THPO: variants seen among roughly 807,000 people sequenced by gnomAD.
THPO encodes the protein thrombopoietin, also known as MPL ligand.
Under a neutral mutation model 17.0 loss-of-function variants are expected in THPO, and 12 were observed. That is an observed-to-expected ratio of 0.71 (90% confidence interval 0.45 to 1.14). The LOEUF is 1.14. Among genes scored for constraint, THPO ranks in the 50% most tolerant of loss-of-function variants. The probability of loss-of-function intolerance (pLI) is 0.00; values close to 1 mark genes in which losing one functional copy is unlikely to be tolerated. For missense variants in THPO, 365 were observed against 427.5 expected (o/e 0.85, Z 1.29); for synonymous variants, 188 against 183.0 (o/e 1.03, Z -0.22).
At chr3:184,378,470 A>C, upstream of THPO, 1 of 906,382 alleles carries the variant, frequency 1.1e-6, no homozygotes, top group Middle Eastern at 5.7e-4. Flanking sequence ...CTTGTTTAAG[A>C]TTGGTGGGGT....
At position 184,372,868 on chromosome 3, in the gene THPO, GT is replaced by G. The variant is rs1420860268; in HGVS notation, c.706del (p.Thr236ProfsTer12). The part of the protein sequence containing the change: ...RAKIPGLLNQ[T>X]SRSLDQIPGY... ...GGGGATTTGGTCCAGGGACCTGGAG[GT>G]TTGGTTCAGCAGACCAGGAATCTTG... On this transcript the variant is annotated frameshift_variant, in exon 6 of 6. Coordinates refer to ENST00000647395, the MANE Select transcript of THPO (RefSeq NM_000460.4). LOFTEE classifies it low-confidence loss of function (END_TRUNC). 1 of 1,614,162 alleles carries G rather than the reference GT, an allele frequency of 6.2e-7. No homozygotes were observed. Among genetic ancestry groups the G allele is most frequent in the Non-Finnish European group, 8.5e-7 (1 of 1,180,030 alleles).
At position 184,376,361 on chromosome 3, in the gene THPO, A is replaced by G; in HGVS notation, c.-102T>C. 13 of 1,612,894 alleles carry G rather than the reference A, an allele frequency of 8.1e-6. No homozygotes were observed. Among genetic ancestry groups the G allele is most frequent in the Non-Finnish European group, 1.0e-5 (12 of 1,179,656 alleles). On this transcript the variant is annotated 5_prime_UTR_variant, in exon 2 of 6. Transcript: ENST00000647395. Reference sequence around the variant, plus strand: ...GGCTTAGGCTCTTGCACTTCTGGGCAGAGTAGGGTGGGGCAAAGGCGGGCC... The same window carrying G: ...GGCTTAGGCTCTTGCACTTCTGGGCGGAGTAGGGTGGGGCAAAGGCGGGCC...
upstream of THPO, chr3:184,378,442 G>C: frequency 1.0e-6 from 1 of 966,554 alleles, no homozygotes; most frequent in Non-Finnish European, 1.2e-6. Context: ...TGTGTTGCTG[G>C]GGAAGAAGCA....
intron 4 of THPO, among the ~76,000 whole-genome samples, chr3:184,375,187 G>C (rs1276298984): frequency 6.6e-6 from 1 of 152,206 alleles, no homozygotes; most frequent in Non-Finnish European, 1.5e-5. Context: ...GTACTTCCCA[G>C]CTTTGTGTCA....
chr3:184,376,875 A>AAAGC (rs1714461166), intron 1 of THPO, among the ~76,000 whole-genome samples: 3 of 151,846 alleles, frequency 2.0e-5, no homozygotes, highest in African/African-American at 7.3e-5. Context: ...AGAAAGAAAG[A>AAAGC]AAGAAAGCAA....
intron 1 of THPO, among the ~76,000 whole-genome samples, chr3:184,376,972 G>C (rs78206829): frequency 0.046 from 7,047 of 152,276 alleles, 244 homozygotes; most frequent in African/African-American, 0.092. Context: ...GAGAGCAGCA[G>C]GACATGATAT....
Position 184,372,169 on chromosome 3 carries a change from G to C in THPO, c.*344C>G, listed in dbSNP as rs1289235807. The C allele has an allele frequency of 3.7e-6, 1 of 268,934 alleles. No individual in the cohort carries two copies. The highest frequency in any genetic ancestry group is 7.3e-6 in the Non-Finnish European group (1 of 136,802). 16.7% of individuals were successfully genotyped at this position (268,934 alleles called of 1,614,324 possible). A position where few individuals can be genotyped will look rare whatever the true frequency, so the allele number is the denominator to read the frequency against. On this transcript the variant is annotated 3_prime_UTR_variant, in exon 6 of 6. Transcript: ENST00000647395. The stretch of plus-strand genomic sequence containing the variant: ...ACCCTTTCTCTGTTTTCTGACTCAA[G>C]GTTAGTCTCTCCCTCTGTTCAACTG...
Position 184,372,848 on chromosome 3 carries a change from T to C in THPO, c.727A>G (p.Ile243Val). The change falls in exon 6 of 6, where the codon ATC (isoleucine) becomes GTC (valine). Residue 243 changes from isoleucine (I) to valine (V), a missense_variant. By Grantham distance (29) the Ile-to-Val change is conservative. Transcript: ENST00000647395. ...TGTATCCTGTTCAGGTATCCGGGGATTTGGTCCAGGGACCTGGAGGTTTGG... is the reference window on the plus strand; with the variant it reads ...TGTATCCTGTTCAGGTATCCGGGGACTTGGTCCAGGGACCTGGAGGTTTGG... ...LNQTSRSLDQ[I>V]PGYLNRIHEL... 1 of 1,614,086 alleles carries C rather than the reference T, an allele frequency of 6.2e-7. No individual in the cohort carries two copies. The highest frequency in any genetic ancestry group is 1.7e-5 in the Admixed American group (1 of 60,008).
At position 184,372,455 on chromosome 3, in the gene THPO, C is replaced by T; in HGVS notation, c.*58G>A. The T allele has an allele frequency of 1.2e-6, 2 of 1,606,846 alleles. No individual in the cohort carries two copies. Among genetic ancestry groups the T allele is most frequent in the Admixed American group, 1.7e-5 (1 of 60,004 alleles). On this transcript the variant is annotated 3_prime_UTR_variant, in exon 6 of 6. Coordinates refer to ENST00000647395, the MANE Select transcript of THPO (RefSeq NM_000460.4). ...TTGTCCAGTTGTCTCCCAGGGGCGCCCTGCAGGGAAGGGAGCTGTACACGA... is the reference window on the plus strand; with the variant it reads ...TTGTCCAGTTGTCTCCCAGGGGCGCTCTGCAGGGAAGGGAGCTGTACACGA...
chr3:184,378,660 G>C (rs1714669269), upstream of THPO: 1 of 382,342 alleles, frequency 2.6e-6, no homozygotes, highest in Non-Finnish European at 3.6e-6. Context: ...CTCCTGTTAT[G>C]GGTTGGTGTT....
chr3:184,376,858 G>A (rs565174546), intron 1 of THPO, among the ~76,000 whole-genome samples: 51 of 110,182 alleles, frequency 4.6e-4, no homozygotes, highest in Middle Eastern at 5.3e-3. Flanking sequence ...AAAAAAAAAA[G>A]AAAGAAAGAA....
intron 4 of THPO, among the ~76,000 whole-genome samples, 166 bp from the exon 5 acceptor site, chr3:184,373,748 T>G (rs1714162516): frequency 6.6e-6 from 1 of 152,182 alleles, no homozygotes; most frequent in Non-Finnish European, 1.5e-5. Flanking sequence ...CGACAGCTGG[T>G]CATCAGCCTC....
rs1452883066 is a variant in THPO at position 184,372,437 on chromosome 3, G to C, written c.*76C>G. The stretch of plus-strand genomic sequence containing the variant: ...AGGAGAAAGTAGGAAATCTTGTCCA[G>C]TTGTCTCCCAGGGGCGCCCTGCAGG... On this transcript the variant is annotated 3_prime_UTR_variant, in exon 6 of 6. Coordinates refer to ENST00000647395, the MANE Select transcript of THPO (RefSeq NM_000460.4). The C allele has an allele frequency of 1.3e-6, 2 of 1,567,284 alleles. No homozygotes were observed. Among genetic ancestry groups the C allele is most frequent in the African/African-American group, 2.7e-5 (2 of 73,940 alleles).
At chr3:184,376,793 C>A (rs561116530) in intron 1 of THPO, among the ~76,000 whole-genome samples, 1 of 149,840 alleles carries the variant, frequency 6.7e-6, no homozygotes, top group South Asian at 2.1e-4. Context: ...TGTGGTGAGC[C>A]GAGATCGCAC....
chr3:184,372,718 G>C lies in THPO; in HGVS notation c.857C>G (p.Pro286Arg). 1 of 1,613,794 alleles carries C rather than the reference G, an allele frequency of 6.2e-7. No homozygotes were observed. Among genetic ancestry groups the C allele is most frequent in the Non-Finnish European group, 8.5e-7 (1 of 1,179,716 alleles). Residue 286 changes from proline (P) to arginine (R), a missense_variant, in exon 6 of 6, where the codon CCC (proline) becomes CGC (arginine). Pro to Arg is a moderately radical substitution (Grantham distance 103, BLOSUM62 -2). Coordinates refer to ENST00000647395, the MANE Select transcript of THPO (RefSeq NM_000460.4). Reference sequence around the variant, plus strand: ...AGGAGAATATCCAGGCTGGAGGTTGGGTGGCAGGGAGCCTGTGTCTGATGT... The same window carrying C: ...AGGAGAATATCCAGGCTGGAGGTTGCGTGGCAGGGAGCCTGTGTCTGATGT... ...SGTSDTGSLP[P>R]NLQPGYSPSP...
chr3:184,378,897 C>T (rs965452860), upstream of THPO: 13 of 983,894 alleles, frequency 1.3e-5, no homozygotes, highest in Non-Finnish European at 1.6e-5. Flanking sequence ...TAACCAGGCC[C>T]ATGTGTCCCT....
upstream of THPO, among the ~76,000 whole-genome samples, chr3:184,379,550 G>A (rs1472797676): frequency 2.6e-5 from 4 of 152,080 alleles, no homozygotes; most frequent in Non-Finnish European, 4.4e-5. Flanking sequence ...AGGGTTTGGG[G>A]GGCGCTGTGG....
At chr3:184,375,716 C>A (rs56151775) in intron 3 of THPO, 115 bp from the exon 4 acceptor site, 3 of 1,455,306 alleles carry the variant, frequency 2.1e-6, no homozygotes, top group African/African-American at 1.4e-5. Context: ...CTTTTAAATG[C>A]GGGCTGTATT....
At chr3:184,373,348 T>C (rs1714113355) in intron 5 of THPO, 67 bp downstream of exon 5, 1 of 1,598,296 alleles carries the variant, frequency 6.3e-7, no homozygotes, top group African/African-American at 1.3e-5. Flanking sequence ...CCTTCTTCCC[T>C]CAGGTCTTCT....
Sources: allele counts gnomAD v4.1 joint callset (sites outside exome capture counted in the v4.1 genomes callset), GRCh38; gene constraint gnomAD v4.1.1; transcripts MANE v1.5; gene names NCBI Gene and HGNC (gene_info 2026-07-23, HGNC 2026-07-21).